CNTNAP2: variants seen among roughly 807,000 people sequenced by gnomAD.
CNTNAP2 encodes contactin associated protein 2.
CNTNAP2 carries 98 observed loss-of-function variants against 155.2 expected under a neutral mutation model. The ratio of observed to expected loss-of-function variants is 0.63; its 90% CI spans 0.54 to 0.75. CNTNAP2 has a LOEUF of 0.75. Among genes scored for constraint, CNTNAP2 ranks in the 30% least tolerant of loss-of-function variants. The pLI, the probability that CNTNAP2 is intolerant of heterozygous loss-of-function variation, is 0.00. For synonymous variants in CNTNAP2, 651 were observed against 631.2 expected (o/e 1.03, Z -0.47); for missense variants, 1,727 against 1,688.1 (o/e 1.02, Z -0.40).
At chr7:146,139,105 A>G (rs932080761) in intron 1 of CNTNAP2, among the ~76,000 whole-genome samples, 7 of 152,132 alleles carry the variant, frequency 4.6e-5, no homozygotes, top group African/African-American at 1.7e-4. Flanking sequence ...ACTATAGTGT[A>G]TTGGTTGTTA....
At chr7:147,927,045 A>G (rs1800408886) in intron 14 of CNTNAP2, among the ~76,000 whole-genome samples, 1 of 152,228 alleles carries the variant, frequency 6.6e-6, no homozygotes, top group African/African-American at 2.4e-5. Context: ...AATCACCACA[A>G]ATTTTTAATA....
rs530836450 is a variant in CNTNAP2, at chr7:147,228,099, G to A, written c.1349-72042G>A. On this transcript the variant is annotated intron_variant, in intron 8 of 23. Coordinates refer to ENST00000361727, the MANE Select transcript of CNTNAP2 (RefSeq NM_014141.6). ...CAAGTAGGTCAAATGCTGCTGAATA[G>A]TCATTAAGATGAGGACTGAAAATAA... Among the ~76,000 whole-genome samples the A allele has an allele frequency of 2.6e-5, 4 of 152,268 alleles. No individual in the cohort carries two copies. In the South Asian group the frequency reaches 8.3e-4, roughly 32 times the overall value.
chr7:147,369,680 T>C (rs1345927929), intron 9 of CNTNAP2, among the ~76,000 whole-genome samples: 1 of 152,150 alleles, frequency 6.6e-6, no homozygotes, highest in African/African-American at 2.4e-5. Context: ...GGGAACATAC[T>C]CCTGTTCCTC....
chr7:146,934,558 C>T (rs1796869746), intron 3 of CNTNAP2, among the ~76,000 whole-genome samples: 1 of 151,936 alleles, frequency 6.6e-6, no homozygotes, highest in South Asian at 2.1e-4. Flanking sequence ...TGTAACTAAC[C>T]TGCACATTGT....
chr7:146,663,261 G>A (rs1195829085), intron 1 of CNTNAP2, among the ~76,000 whole-genome samples: 1 of 98,890 alleles, frequency 1.0e-5, no homozygotes, highest in South Asian at 3.0e-4. Flanking sequence ...TGGGCAACAA[G>A]AGTGAAACTC....
intron 2 of CNTNAP2, among the ~76,000 whole-genome samples, chr7:146,828,261 A>G (rs1803445259): frequency 6.6e-6 from 1 of 152,106 alleles, no homozygotes; most frequent in Admixed American, 6.6e-5. Flanking sequence ...CATGGTGTAA[A>G]TAAATGGTGT....
chr7:148,249,658 C>T (rs1202499492), intron 20 of CNTNAP2, among the ~76,000 whole-genome samples: 1 of 152,218 alleles, frequency 6.6e-6, no homozygotes, highest in Non-Finnish European at 1.5e-5. Context: ...CCACAACCTG[C>T]CCTGCTTATA....
chr7:147,482,720 CAATAAATAAATA>C (rs71527814), intron 10 of CNTNAP2, among the ~76,000 whole-genome samples: 19,322 of 138,166 alleles, frequency 0.14, 1,468 homozygotes, highest in East Asian at 0.29. Flanking sequence ...GATTCCGTCT[CAATAAATAAATA>C]AATAAATAAA....
intron 1 of CNTNAP2, among the ~76,000 whole-genome samples, chr7:146,762,238 A>G (rs183227818): frequency 4.6e-5 from 7 of 152,324 alleles, no homozygotes; most frequent in Non-Finnish European, 8.8e-5. Context: ...ATTACAGCAT[A>G]CTTGGCAAAA....
intron 22 of CNTNAP2, among the ~76,000 whole-genome samples, chr7:148,387,725 C>T (rs1438852620): frequency 2.0e-5 from 3 of 148,500 alleles, no homozygotes; most frequent in African/African-American, 7.3e-5. Flanking sequence ...TTTAAAACTA[C>T]CTGGGGAGCT....
intron 1 of CNTNAP2, among the ~76,000 whole-genome samples, chr7:146,594,620 C>A (rs934308393): frequency 2.6e-5 from 4 of 151,994 alleles, no homozygotes; most frequent in Admixed American, 2.0e-4. Context: ...AAGTGAATTT[C>A]TTTCATGGTG....
At chr7:146,786,104 C>G (rs564109348) in intron 2 of CNTNAP2, among the ~76,000 whole-genome samples, 40 of 152,128 alleles carry the variant, frequency 2.6e-4, no homozygotes, top group Admixed American at 7.9e-4. Flanking sequence ...CAAGTTTAGG[C>G]CATAAAAAAA....
chr7:146,203,989 A>G (rs7799566), intron 1 of CNTNAP2, among the ~76,000 whole-genome samples: 2,315 of 152,262 alleles, frequency 0.015, 49 homozygotes, highest in African/African-American at 0.052. Flanking sequence ...TACTACATAT[A>G]TGACTTTTCA....
At chr7:146,896,613 C>A (rs939091085) in intron 3 of CNTNAP2, among the ~76,000 whole-genome samples, 1 of 151,928 alleles carries the variant, frequency 6.6e-6, no homozygotes, top group East Asian at 1.9e-4. Flanking sequence ...TATGTTGGTG[C>A]AAAAGCAATT....
chr7:147,804,559 T>C (rs113001109), intron 13 of CNTNAP2, among the ~76,000 whole-genome samples: 2 of 150,838 alleles, frequency 1.3e-5, no homozygotes, highest in Non-Finnish European at 3.0e-5. Flanking sequence ...TTTTTGTTTG[T>C]TTGTTTTATT....
intron 21 of CNTNAP2, among the ~76,000 whole-genome samples, chr7:148,370,179 T>G (rs950551091): frequency 4.6e-5 from 7 of 152,246 alleles, no homozygotes; most frequent in African/African-American, 1.7e-4. Context: ...TACCCCTGAT[T>G]TGGCCCTTTC....
intron 8 of CNTNAP2, among the ~76,000 whole-genome samples, chr7:147,169,625 G>GGGAA (rs544440536): frequency 4.6e-5 from 7 of 151,552 alleles, no homozygotes; most frequent in East Asian, 1.9e-4. Flanking sequence ...TAAGGAAGGA[G>GGGAA]GGAAGGAAGG....
At chr7:147,456,050 G>A (rs1413377772) in intron 10 of CNTNAP2, among the ~76,000 whole-genome samples, 6 of 152,108 alleles carry the variant, frequency 3.9e-5, no homozygotes, top group Non-Finnish European at 5.9e-5. Context: ...ACATGAGAGT[G>A]TACTTGTATG....
intron 11 of CNTNAP2, among the ~76,000 whole-genome samples, chr7:147,548,830 C>T (rs904935861): frequency 6.6e-6 from 1 of 152,300 alleles, no homozygotes; most frequent in South Asian, 2.1e-4. Context: ...ATATGGCTAG[C>T]CAATTTTCCC....
Sources: allele counts gnomAD v4.1 joint callset (sites outside exome capture counted in the v4.1 genomes callset), GRCh38; gene constraint gnomAD v4.1.1; transcripts MANE v1.5; gene names NCBI Gene and HGNC (gene_info 2026-07-23, HGNC 2026-07-21).